The following TMEM196 variants were observed in gnomAD, a reference collection of about 807,000 sequenced individuals.
The protein encoded by TMEM196 is transmembrane protein 196.
A neutral mutation model predicts 20.0 loss-of-function variants in TMEM196; 17 were observed. The observed-to-expected ratio is 0.85, with a 90% CI of 0.58 to 1.27. The LOEUF is 1.27. Ranked by LOEUF, TMEM196 falls within the 50% of genes most tolerant of loss-of-function variation. The probability of loss-of-function intolerance (pLI) is 0.00; values close to 1 mark genes in which losing one functional copy is unlikely to be tolerated. For missense variants in TMEM196, 267 were observed against 223.0 expected (o/e 1.20, Z -1.26); for synonymous variants, 113 against 88.9 (o/e 1.27, Z -1.52).
intron 1 of TMEM196, among the ~76,000 whole-genome samples, chr7:19,730,856 G>T (rs1784179125): frequency 6.6e-6 from 1 of 152,112 alleles, no homozygotes; most frequent in African/African-American, 2.4e-5. Context: ...GAATATATAA[G>T]AATTTGGTAT....
intron 1 of TMEM196, among the ~76,000 whole-genome samples, chr7:19,746,564 T>C (rs1406170931): frequency 9.2e-5 from 14 of 152,358 alleles, no homozygotes; most frequent in East Asian, 1.9e-4. Context: ...GAATATAAAT[T>C]ACTGAACTCA....
At chr7:19,747,524 C>G (rs912916458) in intron 1 of TMEM196, among the ~76,000 whole-genome samples, 1 of 152,274 alleles carries the variant, frequency 6.6e-6, no homozygotes, top group East Asian at 1.9e-4. Context: ...TTGCACACAT[C>G]ATCTAAATGA....
intron 1 of TMEM196, among the ~76,000 whole-genome samples, chr7:19,770,553 TG>T (rs1785827549): frequency 6.6e-6 from 1 of 152,200 alleles, no homozygotes; most frequent in African/African-American, 2.4e-5. Context: ...AGCAACTGTT[TG>T]GTCATTCTGG....
chr7:19,754,756 C>G (rs553130198), intron 1 of TMEM196, among the ~76,000 whole-genome samples: 1 of 152,220 alleles, frequency 6.6e-6, no homozygotes, highest in East Asian at 1.9e-4. Flanking sequence ...TTAAGCAAGT[C>G]AATTAATTCT....
intron 1 of TMEM196, among the ~76,000 whole-genome samples, chr7:19,760,312 A>T (rs1331107433): frequency 6.6e-6 from 1 of 150,602 alleles, no homozygotes; most frequent in African/African-American, 2.4e-5. Context: ...CCCACTGTTA[A>T]GAAAGTTATT....
At chr7:19,751,128 A>G (rs865973575) in intron 1 of TMEM196, among the ~76,000 whole-genome samples, 3 of 152,234 alleles carry the variant, frequency 2.0e-5, no homozygotes, top group Admixed American at 2.0e-4. Context: ...GTGAAGAAGA[A>G]ATATAAATGT....
At chr7:19,752,889 A>G (rs1785046433) in intron 1 of TMEM196, among the ~76,000 whole-genome samples, 1 of 152,142 alleles carries the variant, frequency 6.6e-6, no homozygotes, top group African/African-American at 2.4e-5. Flanking sequence ...CTGGGATTAC[A>G]AGCATGAGCC....
At chr7:19,760,125 T>C (rs1381407087) in intron 1 of TMEM196, among the ~76,000 whole-genome samples, 1 of 152,122 alleles carries the variant, frequency 6.6e-6, no homozygotes, top group Non-Finnish European at 1.5e-5. Flanking sequence ...CCTCAGGTCA[T>C]ACTTCAGTCA....
intron 1 of TMEM196, among the ~76,000 whole-genome samples, chr7:19,767,467 T>A (rs1047014612): frequency 6.6e-6 from 1 of 152,026 alleles, no homozygotes; most frequent in African/African-American, 2.4e-5. Context: ...GTGGACTTTA[T>A]TATATGCAAA....
intron 1 of TMEM196, among the ~76,000 whole-genome samples, chr7:19,740,541 A>T (rs1423133910): frequency 1.3e-5 from 2 of 152,174 alleles, no homozygotes; most frequent in Non-Finnish European, 2.9e-5. Flanking sequence ...ATTAAGAAAA[A>T]ATAGCCCATC....
At chr7:19,727,021 C>T (rs781224795) in intron 2 of TMEM196, among the ~76,000 whole-genome samples, 22 of 152,100 alleles carry the variant, frequency 1.4e-4, no homozygotes, top group African/African-American at 5.1e-4. Context: ...TATTGATCTC[C>T]TCCTTTGTTG....
At chr7:19,756,296 T>G (rs976683770) in intron 1 of TMEM196, among the ~76,000 whole-genome samples, 1 of 152,048 alleles carries the variant, frequency 6.6e-6, no homozygotes, top group African/African-American at 2.4e-5. Flanking sequence ...CATTTTACAT[T>G]CTTTTTTCCA....
At chr7:19,739,565 C>G (rs1784516756) in intron 1 of TMEM196, among the ~76,000 whole-genome samples, 1 of 152,000 alleles carries the variant, frequency 6.6e-6, no homozygotes, top group African/African-American at 2.4e-5. Flanking sequence ...TCAACAGACA[C>G]TGAATCTCTG....
chr7:19,734,141 A>C (rs1272820190), intron 1 of TMEM196, among the ~76,000 whole-genome samples: 8 of 152,186 alleles, frequency 5.3e-5, no homozygotes, highest in Admixed American at 5.2e-4. Flanking sequence ...TGTGAAGACT[A>C]TTTTGCACCA....
chr7:19,764,774 A>G (rs1472094508), intron 1 of TMEM196, among the ~76,000 whole-genome samples: 2 of 152,180 alleles, frequency 1.3e-5, no homozygotes, highest in African/African-American at 2.4e-5. Flanking sequence ...AAATTCTGGT[A>G]ACATGGAGGT....
chr7:19,755,014 T>C (rs941637774), intron 1 of TMEM196, among the ~76,000 whole-genome samples: 1 of 152,210 alleles, frequency 6.6e-6, no homozygotes, highest in Admixed American at 6.5e-5. Context: ...GTAACTATGG[T>C]CTTAAAGGGA....
At chr7:19,741,796 A>G (rs1784588773) in intron 1 of TMEM196, among the ~76,000 whole-genome samples, 1 of 152,196 alleles carries the variant, frequency 6.6e-6, no homozygotes, top group South Asian at 2.1e-4. Context: ...GTTAAGACAG[A>G]AAATGATTTG....
At chr7:19,729,578 A>G in intron 1 of TMEM196, 140 bp from the exon 2 acceptor site, 1 of 742,190 alleles carries the variant, frequency 1.3e-6, no homozygotes, top group Non-Finnish European at 2.1e-6. Context: ...AGAGGATAAG[A>G]TCTCATTCTA....
chr7:19,768,138 A>G (rs931991567), intron 1 of TMEM196, among the ~76,000 whole-genome samples: 2 of 152,110 alleles, frequency 1.3e-5, no homozygotes, highest in African/African-American at 2.4e-5. Flanking sequence ...TAGATCAAAT[A>G]TGCTCCAGAA....
Sources: allele counts gnomAD v4.1 joint callset (sites outside exome capture counted in the v4.1 genomes callset), GRCh38; gene constraint gnomAD v4.1.1; transcripts MANE v1.5; gene names NCBI Gene and HGNC (gene_info 2026-07-23, HGNC 2026-07-21).